ICAM3: variants seen among roughly 807,000 people sequenced by gnomAD.
ICAM3 encodes the protein ICAM-3.
In ICAM3, 54 loss-of-function variants were observed where a neutral mutation model predicts 43.6. The ratio of observed to expected loss-of-function variants is 1.24; its 90% CI spans 0.99 to 1.55. ICAM3 has a LOEUF of 1.55. Ranked by LOEUF, ICAM3 falls within the 40% of genes most tolerant of loss-of-function variation. The pLI is 0.00. For synonymous variants in ICAM3, 306 were observed against 312.6 expected (o/e 0.98, Z 0.22); for missense variants, 715 against 717.9 (o/e 1.00, Z 0.05).
In ICAM3 at chr19:10,335,900, T is replaced by G. The variant is rs1191360976; in HGVS notation, c.420A>C (p.Gln140His). The change falls in exon 3 of 7, where the codon CAA becomes CAC. Residue 140 changes from glutamine to histidine, a missense_variant. Gln to His is a conservative substitution (Grantham distance 24). Transcript: ENST00000160262. ...TGGTCCGGGGCGACCCATCCTCCAC[T>G]TGGCAGCGCAGGGTGAAGTTCTGGC... ...PVGQNFTLRC[Q>H]VEDGSPRTSL... 1 of 1,598,142 alleles carries G rather than the reference T, an allele frequency of 6.3e-7. No individual in the cohort carries two copies. Among genetic ancestry groups the G allele is most frequent in the Admixed American group, 1.7e-5 (1 of 57,940 alleles).
intron 1 of ICAM3, 53 bp from the exon 2 acceptor site, chr19:10,339,001 G>A (rs551218983): frequency 9.5e-6 from 15 of 1,581,496 alleles, no homozygotes; most frequent in Admixed American, 8.5e-5. Flanking sequence ...CCCAACCCAC[G>A]CATCAACAGG....
Position 10,334,106 on chromosome 19 carries a change from ACC to A in ICAM3, c.1442-49_1442-48del. 1 of 1,579,146 alleles carries A rather than the reference ACC, an allele frequency of 6.3e-7. No individual in the cohort carries two copies. The highest frequency in any genetic ancestry group is 8.7e-7 in the Non-Finnish European group (1 of 1,151,626). On this transcript the variant is annotated intron_variant, in intron 6 of 6. Transcript: ENST00000160262. The surrounding 1 kb of genome is among the most constrained non-coding windows in gnomAD (Gnocchi z 5.5). ...TCAATATGCGTCCCTTCTGTCTCCA[ACC>A]CCCCCGCCCCCCGGCTTACCGGTCC...
rs1316959644 is a variant in ICAM3 at position 10,335,085 on chromosome 19, C to G, written c.918G>C (p.Arg306=). Residue 306 remains arginine, a synonymous_variant, in exon 4 of 7, where the codon CGG becomes CGC. Coordinates refer to ENST00000160262, the MANE Select transcript of ICAM3 (RefSeq NM_002162.5). The part of the protein sequence containing the change: ...VTLGGERREA[R]ENLTVFSFLG... ...TCTTACTAAAGACCGTCAAGTTCTC[C>G]CGGGCCTCCCGTCTCTCGCCCCCTA... 2 of 1,613,224 alleles carry G rather than the reference C, an allele frequency of 1.2e-6. No homozygotes were observed. Among genetic ancestry groups the G allele is most frequent in the South Asian group, 1.1e-5 (1 of 91,052 alleles).
Position 10,334,116 on chromosome 19 carries a change from C to A in ICAM3, c.1441+44G>T, listed in dbSNP as rs200775651. The A allele has an allele frequency of 2.5e-6, 4 of 1,607,060 alleles. No homozygotes were observed. In the African/African-American group the frequency reaches 5.3e-5, roughly 21 times the overall value. On this transcript the variant is annotated intron_variant, in intron 6 of 6. Transcript: ENST00000160262. This position sits in a 1 kb window ranked among gnomAD's most constrained non-coding sequence, Gnocchi z 5.5. ...TCCCTTCTGTCTCCAACCCCCCCGC[C>A]CCCCGGCTTACCGGTCCAGACCCGC... is the stretch of plus-strand genomic sequence containing the variant.
At position 10,334,320 on chromosome 19, in the gene ICAM3, GC is replaced by G; in HGVS notation, c.1280del (p.Gly427AlafsTer10). The G allele has an allele frequency of 6.2e-7, 1 of 1,614,196 alleles. No individual in the cohort carries two copies. On this transcript the variant is annotated frameshift_variant, in exon 6 of 7. Coordinates refer to ENST00000160262, the MANE Select transcript of ICAM3 (RefSeq NM_002162.5). LOFTEE classifies it high-confidence loss of function. This position sits in a 1 kb window ranked among gnomAD's most constrained non-coding sequence, Gnocchi z 5.5. The part of the protein sequence containing the change: ...TRHVLQCQAR[G>X]NPYPELRCLK... ...AACACCGCAGCTCGGGGTACGGGTT[GC>G]CCCTGGCTTGGCACTGCAGGACGTG...
chr19:10,334,015 T>C lies in ICAM3; in HGVS notation c.1486A>G (p.Thr496Ala). ...FVPVFVAVLL[T>A]LGVVTIVLAL... ...AGTACGATAGTCACCACGCCCAGGG[T>C]CAGTAACACCGCCACGAAGACGGGG... The change falls in exon 7 of 7, where the codon ACC becomes GCC. Residue 496 changes from threonine to alanine, a missense_variant. Physicochemically the swap from Thr to Ala is moderately conservative, Grantham distance 58 (BLOSUM62 0). Transcript: ENST00000160262. The surrounding 1 kb of genome is among the most constrained non-coding windows in gnomAD (Gnocchi z 5.5). The C allele has an allele frequency of 1.9e-6, 3 of 1,613,962 alleles. No homozygotes were observed. The highest frequency in any genetic ancestry group is 1.6e-4 in the Middle Eastern group (1 of 6,062).
Position 10,334,383 on chromosome 19 carries a change from T to C in ICAM3, c.1218A>G (p.Thr406=), listed in dbSNP as rs1368243684. 6.2e-7 allele frequency: 1 copy of C among 1,614,156 alleles called. No homozygotes were observed. The highest frequency in any genetic ancestry group is 1.3e-5 in the African/African-American group (1 of 75,030). The change falls in exon 6 of 7, where the codon ACA becomes ACG. Residue 406 remains threonine, a synonymous_variant. Coordinates refer to ENST00000160262, the MANE Select transcript of ICAM3 (RefSeq NM_002162.5). The surrounding 1 kb of genome is among the most constrained non-coding windows in gnomAD (Gnocchi z 5.5). ...CTTTCCATTTCAAGTGCTGGGGGCA[T>C]GTGGCTCGGTCAATTTTGGGACCAT... ...VLYGPKIDRA[T]CPQHLKWKDK...
Position 10,334,557 on chromosome 19 carries a change from C to T in ICAM3, c.1163G>A (p.Arg388Lys). ...GACTCGCAGCTGGACGCTACTGTTC[C>T]TGTGCAAGAACTCGCCGTCCACCTC... Reference protein sequence around the residue: ...TLEVDGEFLHRNSSVQLRVLY... With the variant: ...TLEVDGEFLHKNSSVQLRVLY... Residue 388 changes from arginine (R) to lysine (K), a missense_variant, in exon 5 of 7, where the codon AGG becomes AAG. Arg to Lys is a conservative substitution (Grantham distance 26). Transcript: ENST00000160262. The surrounding 1 kb of genome is among the most constrained non-coding windows in gnomAD (Gnocchi z 5.5). 6.2e-7 allele frequency: 1 copy of T among 1,613,062 alleles called. No homozygotes were observed. Among genetic ancestry groups the T allele is most frequent in the Non-Finnish European group, 8.5e-7 (1 of 1,179,382 alleles).
In ICAM3 at chr19:10,333,846, G is replaced by A. The variant is rs1425946292; in HGVS notation, c.*11C>T. The A allele has an allele frequency of 2.5e-6, 4 of 1,611,902 alleles. No homozygotes were observed. The highest frequency in any genetic ancestry group is 2.2e-5 in the East Asian group (1 of 44,824). The stretch of plus-strand genomic sequence containing the variant: ...CCAAGCCCCCGCCAACTTTGATCCC[G>A]GATCCCAGCGTCACTCAGCTCTGGA... On this transcript the variant is annotated 3_prime_UTR_variant, in exon 7 of 7. Transcript: ENST00000160262. This position sits in a 1 kb window ranked among gnomAD's most constrained non-coding sequence, Gnocchi z 4.2.
Position 10,336,309 on chromosome 19 carries a change from C to T in ICAM3, c.344-333G>A, listed in dbSNP as rs536712492. The T allele has an allele frequency of 1.4e-5, 4 of 278,030 alleles. No homozygotes were observed. In the East Asian group the frequency reaches 2.9e-4, roughly 20 times the overall value. The allele number at this position is 278,030 out of a possible 1,614,324, so 17.2% of individuals were successfully genotyped here. On this transcript the variant is annotated intron_variant, in intron 2 of 6. Coordinates refer to ENST00000160262, the MANE Select transcript of ICAM3 (RefSeq NM_002162.5). ...TCCTGTTTATGGCCAGACGTGGTGG[C>T]TCACGCCTGTAATCCCAGAGCTTTG...
At chr19:10,338,555 G>T (rs900341816) in intron 2 of ICAM3, 127 bp downstream of exon 2, 3 of 779,786 alleles carry the variant, frequency 3.8e-6, no homozygotes, top group Admixed American at 2.4e-5. Context: ...AAATGTCCAG[G>T]TCTGAGCTCT....
chr19:10,334,194 GCC>G lies in ICAM3; in HGVS notation c.1405_1406del (p.Gly469GlnfsTer11). On this transcript the variant is annotated frameshift_variant, in exon 6 of 7. Coordinates refer to ENST00000160262, the MANE Select transcript of ICAM3 (RefSeq NM_002162.5). LOFTEE classifies it low-confidence loss of function (END_TRUNC). The surrounding 1 kb of genome is among the most constrained non-coding windows in gnomAD (Gnocchi z 5.5). ...CCATCACCACGACCAGGGTGTATTT[GCC>G]TCGTGAGCTGGACGCTTGGCACTGA... ...TYQCQASSSR[G>X]KYTLVVVMDI... The G allele has an allele frequency of 1.2e-6, 2 of 1,605,146 alleles. No homozygotes were observed. The highest frequency in any genetic ancestry group is 4.5e-5 in the East Asian group (2 of 44,400).
Position 10,335,763 on chromosome 19 carries a change from G to T in ICAM3, c.557C>A (p.Ala186Asp), listed in dbSNP as rs766254190. Residue 186 changes from alanine to aspartate, a missense_variant, in exon 3 of 7, where the codon GCC (alanine) becomes GAC (aspartate). Coordinates refer to ENST00000160262, the MANE Select transcript of ICAM3 (RefSeq NM_002162.5). The part of the protein sequence containing the change: ...TVLASRDDHG[A>D]PFSCRTELDM... ...CAGTTCTGTGCGGCATGAGAAAGGG[G>T]CTCCGTGGTCGTCTCTGCTGGCCAG... 2.5e-6 allele frequency: 4 copies of T among 1,612,206 alleles called. No homozygotes were observed. In the African/African-American group the frequency reaches 5.3e-5, roughly 22 times the overall value.
chr19:10,336,091 A>G (rs2040596374), intron 2 of ICAM3, 115 bp from the exon 3 acceptor site: 2 of 939,246 alleles, frequency 2.1e-6, no homozygotes, highest in Middle Eastern at 6.8e-4. Context: ...TTGAGTTAAT[A>G]AACTTAGAGG....
At chr19:10,338,658 C>A (rs919883174) in intron 2 of ICAM3, 24 bp downstream of exon 2, 1 of 1,611,052 alleles carries the variant, frequency 6.2e-7, no homozygotes, top group South Asian at 1.1e-5. Context: ...AAGACCAGTC[C>A]CACCTCCGGA....
At chr19:10,337,457 C>CCAGGTACAGTGGAT (rs111906193) in intron 2 of ICAM3, among the ~76,000 whole-genome samples, 1 of 146,804 alleles carries the variant, frequency 6.8e-6, no homozygotes, top group Admixed American at 6.8e-5. Context: ...AAAAAAGTAG[C>CCAGGTACAGTGGAT]CAGGCCTGCA....
At position 10,334,446 on chromosome 19, in the gene ICAM3, C is replaced by A. The variant is rs573810132; in HGVS notation, c.1193-38G>T. ...CATGTGTGATCAGACACCCAACACA[C>A]CCGAGGCACAGTGGTGCAGAGGAGC... On this transcript the variant is annotated intron_variant, in intron 5 of 6. Coordinates refer to ENST00000160262, the MANE Select transcript of ICAM3 (RefSeq NM_002162.5). This position sits in a 1 kb window ranked among gnomAD's most constrained non-coding sequence, Gnocchi z 5.5. The A allele has an allele frequency of 6.2e-7, 1 of 1,611,986 alleles. No homozygotes were observed. The highest frequency in any genetic ancestry group is 1.3e-5 in the African/African-American group (1 of 74,998).
At chr19:10,337,094 T>G (rs10408916) in intron 2 of ICAM3, among the ~76,000 whole-genome samples, 32,289 of 147,640 alleles carry the variant, frequency 0.22, 3,510 homozygotes, top group South Asian at 0.26. Flanking sequence ...TGGGGGACAA[T>G]AGCAAGACTG....
chr19:10,334,838 G>A lies in ICAM3; in HGVS notation c.938-56C>T. The A allele has an allele frequency of 1.3e-6, 2 of 1,523,758 alleles. No individual in the cohort carries two copies. The highest frequency in any genetic ancestry group is 1.8e-6 in the Non-Finnish European group (2 of 1,135,232). The allele number at this position is 1,523,758 out of a possible 1,614,324, so 94.4% of individuals were successfully genotyped here. On this transcript the variant is annotated intron_variant, in intron 4 of 6. Transcript: ENST00000160262. This position sits in a 1 kb window ranked among gnomAD's most constrained non-coding sequence, Gnocchi z 5.5. ...TGAACAGGACCTTCCTGTGGGTCAA[G>A]CCGCTCCCTCCGCCCTCCCCTTTCC...
Sources: allele counts gnomAD v4.1 joint callset (sites outside exome capture counted in the v4.1 genomes callset), GRCh38; gene constraint gnomAD v4.1.1; non-coding constraint Gnocchi (gnomAD v3.1); transcripts MANE v1.5; gene names NCBI Gene and HGNC (gene_info 2026-07-23, HGNC 2026-07-21).